NR2C2: variants seen among roughly 807,000 people sequenced by gnomAD.
NR2C2 encodes the protein nuclear receptor subfamily 2 group C member 2, also known as Nuclear hormone receptor TR4.
NR2C2 carries 6 observed loss-of-function variants against 62.9 expected under a neutral mutation model. The ratio of observed to expected loss-of-function variants is 0.10; its 90% confidence interval spans 0.05 to 0.19. The LOEUF is 0.19. Among genes scored for constraint, NR2C2 ranks in the 10% least tolerant of loss-of-function variants. NR2C2 has a pLI of 1.00. For synonymous variants in NR2C2, 272 were observed against 273.8 expected (o/e 0.99, Z 0.07); for missense variants, 479 against 762.7 (o/e 0.63, Z 4.38).
chr3:14,958,457 A>G (rs1178242730), intron 1 of NR2C2, among the ~76,000 whole-genome samples: 4 of 152,082 alleles, frequency 2.6e-5, no homozygotes, highest in Non-Finnish European at 5.9e-5. Context: ...AACAAGCTGA[A>G]TGGGTGAAGT....
intron 1 of NR2C2, among the ~76,000 whole-genome samples, chr3:14,963,629 C>T (rs2039751742): frequency 6.6e-6 from 1 of 152,026 alleles, no homozygotes; most frequent in Non-Finnish European, 1.5e-5. Flanking sequence ...CCACACCACG[C>T]CCGGCTAATT....
chr3:15,038,517 C>T (rs531380622), intron 12 of NR2C2: 26 of 170,236 alleles, frequency 1.5e-4, no homozygotes, highest in Non-Finnish European at 3.1e-4. Context: ...ATTGAAGTTC[C>T]ACTTGTTTGC....
intron 1 of NR2C2, among the ~76,000 whole-genome samples, chr3:14,987,683 A>T (rs934938114): frequency 1.2e-4 from 18 of 152,308 alleles, no homozygotes; most frequent in African/African-American, 3.4e-4. Flanking sequence ...TGTTTATCAC[A>T]TTAGAATGTA....
At position 15,023,193 on chromosome 3, in the gene NR2C2, A is replaced by G; in HGVS notation, c.557-7A>G. The G allele has an allele frequency of 6.2e-7, 1 of 1,613,758 alleles. No individual in the cohort carries two copies. Among genetic ancestry groups the G allele is most frequent in the Non-Finnish European group, 8.5e-7 (1 of 1,179,830 alleles). On this transcript the variant is annotated splice_region_variant and splice_polypyrimidine_tract_variant and intron_variant, in intron 5 of 13. Coordinates refer to ENST00000425241, the MANE Select transcript of NR2C2 (RefSeq NM_001291694.2). ...TCTAAACACAAATATTTATGTTGTG[A>G]TTTAAGCTGTGCAGAGTGAACGGAA...
chr3:15,002,481 T>C (rs936601176), intron 1 of NR2C2, among the ~76,000 whole-genome samples: 5 of 152,002 alleles, frequency 3.3e-5, no homozygotes, highest in African/African-American at 1.2e-4. Context: ...TGCTAGAGTT[T>C]TGTAGAGGAT....
Position 15,046,563 on chromosome 3 carries a change from GC to G in NR2C2, c.*3557del, listed in dbSNP as rs2042459611. 1 of 152,298 alleles carries G rather than the reference GC, an allele frequency of 6.6e-6. No individual in the cohort carries two copies. The highest frequency in any genetic ancestry group is 1.5e-5 in the Non-Finnish European group (1 of 68,084). The allele number at this position is 152,298 out of a possible 1,614,324, so 9.4% of individuals were successfully genotyped here. A position where few individuals can be genotyped will look rare whatever the true frequency, so the allele number is the denominator to read the frequency against. On this transcript the variant is annotated 3_prime_UTR_variant, in exon 14 of 14. Coordinates refer to ENST00000425241, the MANE Select transcript of NR2C2 (RefSeq NM_001291694.2). ...CCCTCTGCAGGGCTTCCAGCCCCTG[GC>G]CGCAATCAGCAGTTCATGCCACATG...
chr3:15,029,819 A>AGAT (rs1359197071), intron 8 of NR2C2, among the ~76,000 whole-genome samples: 2 of 126,540 alleles, frequency 1.6e-5, no homozygotes, highest in African/African-American at 3.5e-5. Context: ...ATAGATAGAT[A>AGAT]GATAGATAGA....
intron 10 of NR2C2, among the ~76,000 whole-genome samples, chr3:15,032,964 A>AC (rs61144575): frequency 0.087 from 11,746 of 134,540 alleles, 535 homozygotes; most frequent in East Asian, 0.14. Context: ...TCTACAGGAA[A>AC]CCCCCCCCCC....
At chr3:14,989,924 C>CAAAAAAAAAAA (rs34980642) in intron 1 of NR2C2, among the ~76,000 whole-genome samples, 2 of 51,012 alleles carry the variant, frequency 3.9e-5, no homozygotes, top group African/African-American at 6.9e-5. Flanking sequence ...GACTCCATCT[C>CAAAAAAAAAAA]AAAAAAAAAA....
chr3:15,007,537 G>C (rs2041220780), intron 2 of NR2C2, among the ~76,000 whole-genome samples: 2 of 152,128 alleles, frequency 1.3e-5, no homozygotes, highest in South Asian at 4.1e-4. Flanking sequence ...TGACTGGTTT[G>C]TTTCCTTGTG....
intron 5 of NR2C2, 143 bp from the exon 6 acceptor site, chr3:15,023,057 G>A (rs550218475): frequency 3.9e-5 from 35 of 889,778 alleles, no homozygotes; most frequent in South Asian, 1.5e-4. Flanking sequence ...CTCTCTGGCC[G>A]AAAAGTCCAC....
chr3:15,001,318 G>GTTTTTTTTTTTTTTTTTTTGTT (rs2040990145), intron 1 of NR2C2, among the ~76,000 whole-genome samples: 2 of 97,484 alleles, frequency 2.1e-5, no homozygotes, highest in African/African-American at 7.7e-5. Context: ...TTTGTTTTGG[G>GTTTTTTTTTTTTTTTTTTTGTT]TTTTTTTTTT....
chr3:15,016,579 T>C (rs2041516922), intron 4 of NR2C2, among the ~76,000 whole-genome samples: 1 of 152,218 alleles, frequency 6.6e-6, no homozygotes. Context: ...TTACAAGGTG[T>C]ATAATTTGTA....
intron 5 of NR2C2, among the ~76,000 whole-genome samples, chr3:15,021,286 G>C (rs1266194975): frequency 6.6e-6 from 1 of 152,122 alleles, no homozygotes; most frequent in Non-Finnish European, 1.5e-5. Context: ...TCAGCCACAG[G>C]GTCCTCATCT....
At chr3:14,989,521 A>G (rs1361242349) in intron 1 of NR2C2, among the ~76,000 whole-genome samples, 3 of 152,156 alleles carry the variant, frequency 2.0e-5, no homozygotes, top group Non-Finnish European at 4.4e-5. Flanking sequence ...AGGGCCAGGC[A>G]TGGTAGCTCA....
intron 10 of NR2C2, 127 bp downstream of exon 10, chr3:15,032,627 G>GT (rs2042009611): frequency 3.6e-6 from 4 of 1,117,298 alleles, no homozygotes; most frequent in East Asian, 2.4e-5. Flanking sequence ...AGGACCCTGA[G>GT]TTTTTTATTA....
chr3:15,009,738 C>G (rs1198143249), intron 2 of NR2C2, among the ~76,000 whole-genome samples: 1 of 152,316 alleles, frequency 6.6e-6, no homozygotes, highest in East Asian at 1.9e-4. Context: ...AACTTAGTGG[C>G]TTAAAACAAT....
chr3:14,993,454 C>CAA (rs58284681), intron 1 of NR2C2, among the ~76,000 whole-genome samples: 66 of 119,490 alleles, frequency 5.5e-4, no homozygotes, highest in African/African-American at 1.8e-3. Flanking sequence ...AACTCCATCT[C>CAA]AAAAAAAAAA....
rs2042366131 is a variant in NR2C2 at position 15,044,078 on chromosome 3, C to T, written c.*1070C>T. ...CCAGGGCTTTCCACTCCAAATGCCCCCTTGAAAAGGGCTCGTGTTTCTGCA... is the reference window on the plus strand; with the variant it reads ...CCAGGGCTTTCCACTCCAAATGCCCTCTTGAAAAGGGCTCGTGTTTCTGCA... On this transcript the variant is annotated 3_prime_UTR_variant, in exon 14 of 14. Coordinates refer to ENST00000425241, the MANE Select transcript of NR2C2 (RefSeq NM_001291694.2). 6.6e-6 allele frequency: 1 copy of T among 152,124 alleles called. No homozygotes were observed. Among genetic ancestry groups the T allele is most frequent in the South Asian group, 2.1e-4 (1 of 4,828 alleles). The allele number at this position is 152,124 out of a possible 1,614,324, so 9.4% of individuals were successfully genotyped here.
Sources: allele counts gnomAD v4.1 joint callset (sites outside exome capture counted in the v4.1 genomes callset), GRCh38; gene constraint gnomAD v4.1.1; transcripts MANE v1.5; gene names NCBI Gene and HGNC (gene_info 2026-07-23, HGNC 2026-07-21).